Variants in GABRG3 observed in about 807,000 individuals in gnomAD.
GABRG3 encodes the protein gamma-aminobutyric acid type A receptor subunit gamma3.
A neutral mutation model predicts 48.8 loss-of-function variants in GABRG3; 25 were observed. The ratio of observed to expected loss-of-function variants is 0.51; its 90% CI spans 0.37 to 0.72. The LOEUF (loss-of-function observed/expected upper bound fraction) is 0.72, where lower values mean the gene tolerates loss of function less well. Ranked by LOEUF, GABRG3 falls within the 30% of genes least tolerant of loss-of-function variation. The pLI is 0.00. For missense variants in GABRG3, 394 were observed against 577.9 expected (o/e 0.68, Z 3.26); for synonymous variants, 227 against 217.6 (o/e 1.04, Z -0.38).
rs1246482702 is a variant in GABRG3, at chr15:26,976,242, A to G, written c.54-760A>G. Among the ~76,000 whole-genome samples the G allele has an allele frequency of 6.6e-6, 1 of 152,236 alleles. No homozygotes were observed. Among genetic ancestry groups the G allele is most frequent in the African/African-American group, 2.4e-5 (1 of 41,460 alleles). ...GCTCCTCCCTGCACAAAACAAGCTCAGAGATGCCCAGGCATTCACTGAGAC... is the reference window on the plus strand; with the variant it reads ...GCTCCTCCCTGCACAAAACAAGCTCGGAGATGCCCAGGCATTCACTGAGAC... On this transcript the variant is annotated intron_variant, in intron 1 of 9. Coordinates refer to ENST00000615808, the MANE Select transcript of GABRG3 (RefSeq NM_033223.5). This position sits in a 1 kb window ranked among gnomAD's most constrained non-coding sequence, Gnocchi z 7.8.
chr15:27,112,934 T>C (rs1423640988), intron 3 of GABRG3, among the ~76,000 whole-genome samples: 1 of 152,224 alleles, frequency 6.6e-6, no homozygotes, highest in African/African-American at 2.4e-5. Context: ...AACTTTGTTC[T>C]TCAATTCTAA....
chr15:27,427,082 G>A (rs1888314473), intron 5 of GABRG3, among the ~76,000 whole-genome samples: 1 of 152,154 alleles, frequency 6.6e-6, no homozygotes, highest in Non-Finnish European at 1.5e-5. Context: ...TCTGGGAAAT[G>A]ATCCAAATGT....
intron 3 of GABRG3, among the ~76,000 whole-genome samples, chr15:27,294,221 T>G (rs1891899371): frequency 6.8e-6 from 1 of 146,024 alleles, no homozygotes; most frequent in African/African-American, 2.7e-5. Flanking sequence ...CTTTTCTTTT[T>G]CCTTTTTTTT....
chr15:27,467,276 A>G (rs1273424349), intron 5 of GABRG3, among the ~76,000 whole-genome samples: 1 of 152,148 alleles, frequency 6.6e-6, no homozygotes, highest in East Asian at 1.9e-4. Flanking sequence ...TGGCCTCATT[A>G]ACCTCCCAAA....
At chr15:27,450,501 CA>C (rs1327461112) in intron 5 of GABRG3, among the ~76,000 whole-genome samples, 21 of 151,918 alleles carry the variant, frequency 1.4e-4, no homozygotes, top group African/African-American at 4.1e-4. Context: ...AAGCATTTGC[CA>C]AAAATTCAAC....
intron 5 of GABRG3, among the ~76,000 whole-genome samples, chr15:27,461,609 C>G (rs1889450206): frequency 6.6e-6 from 1 of 152,184 alleles, no homozygotes; most frequent in African/African-American, 2.4e-5. Flanking sequence ...CTTATTTGGC[C>G]CCACTCATAT....
chr15:27,098,947 T>A (rs1326577839), intron 3 of GABRG3, among the ~76,000 whole-genome samples: 1 of 152,100 alleles, frequency 6.6e-6, no homozygotes, highest in East Asian at 1.9e-4. Context: ...CCTGGTGACC[T>A]TGGGACTTAA....
At chr15:27,348,108 A>C (rs1241864511) in intron 5 of GABRG3, among the ~76,000 whole-genome samples, 1 of 138,616 alleles carries the variant, frequency 7.2e-6, no homozygotes, top group Non-Finnish European at 1.5e-5. Flanking sequence ...GTGAGCCGAG[A>C]TCATGCCATT....
chr15:27,511,745 GT>G (rs1890901038), intron 6 of GABRG3, among the ~76,000 whole-genome samples: 1 of 152,224 alleles, frequency 6.6e-6, no homozygotes, highest in South Asian at 2.1e-4. Context: ...AAGAGGATAA[GT>G]GCTACAGAGA....
chr15:27,256,002 C>T (rs1372584711), intron 3 of GABRG3, among the ~76,000 whole-genome samples: 1 of 152,162 alleles, frequency 6.6e-6, no homozygotes, highest in Non-Finnish European at 1.5e-5. Context: ...TGTTATTTTA[C>T]ATGGCAAAAG....
At chr15:27,209,297 G>C (rs541936080) in intron 3 of GABRG3, among the ~76,000 whole-genome samples, 1 of 152,272 alleles carries the variant, frequency 6.6e-6, no homozygotes, top group African/African-American at 2.4e-5. Flanking sequence ...TCTGGGCAAT[G>C]GGAAGCAGTG....
At chr15:27,211,179 A>G (rs938504080) in intron 3 of GABRG3, among the ~76,000 whole-genome samples, 3 of 152,170 alleles carry the variant, frequency 2.0e-5, no homozygotes, top group Non-Finnish European at 2.9e-5. Flanking sequence ...ATCCCACCCA[A>G]GGCCCTCCAG....
rs1339940038 is a variant in GABRG3 at position 27,538,857 on chromosome 15, T to C, written c.*5976T>C. 4 of 152,230 alleles carry C rather than the reference T, an allele frequency of 2.6e-5. No individual in the cohort carries two copies. Among genetic ancestry groups the C allele is most frequent in the Non-Finnish European group, 1.5e-5 (1 of 68,036 alleles). The allele number at this position is 152,230 out of a possible 1,614,324, so 9.4% of individuals were successfully genotyped here. On this transcript the variant is annotated 3_prime_UTR_variant, in exon 10 of 10. Transcript: ENST00000615808. Reference sequence around the variant, plus strand: ...GTTCGATCCCAGTGAATGATGTGTATGTACCCAACACATCCAATTTGTATT... The same window carrying C: ...GTTCGATCCCAGTGAATGATGTGTACGTACCCAACACATCCAATTTGTATT...
chr15:27,402,982 G>A (rs947212980), intron 5 of GABRG3, among the ~76,000 whole-genome samples: 5 of 151,856 alleles, frequency 3.3e-5, no homozygotes, highest in Non-Finnish European at 5.9e-5. Context: ...CTTGTGGTCC[G>A]GCCTATTTGA....
Position 27,194,869 on chromosome 15 carries a change from T to C in GABRG3, c.271-131940T>C, listed in dbSNP as rs568540468. On this transcript the variant is annotated intron_variant, in intron 3 of 9. Transcript: ENST00000615808. ...TTTCAATCCTCTCTCTCTCTTCTCCTTCCAAAATTCTGACAGTATAAAAGT... is the reference window on the plus strand; with the variant it reads ...TTTCAATCCTCTCTCTCTCTTCTCCCTCCAAAATTCTGACAGTATAAAAGT... Among the ~76,000 whole-genome samples the C allele has an allele frequency of 3.3e-5, 5 of 152,318 alleles. No homozygotes were observed. In the South Asian group the frequency reaches 8.3e-4, roughly 25 times the overall value.
At chr15:27,294,536 A>G (rs1199568039) in intron 3 of GABRG3, among the ~76,000 whole-genome samples, 1 of 152,006 alleles carries the variant, frequency 6.6e-6, no homozygotes, top group Non-Finnish European at 1.5e-5. Flanking sequence ...GTCTTGGACA[A>G]TGGTTCACCA....
intron 3 of GABRG3, among the ~76,000 whole-genome samples, chr15:27,297,587 C>CTGTA (rs1555368870): frequency 6.6e-6 from 1 of 151,710 alleles, no homozygotes; most frequent in Non-Finnish European, 1.5e-5. Context: ...GAGCAACAGG[C>CTGTA]TATACCACAT....
chr15:27,432,378 A>G (rs906333643), intron 5 of GABRG3, among the ~76,000 whole-genome samples: 7 of 152,224 alleles, frequency 4.6e-5, no homozygotes, highest in Non-Finnish European at 1.0e-4. Flanking sequence ...CAGGAAAAGA[A>G]AAGTGTTACA....
At chr15:26,984,329 A>T (rs1465951888) in intron 2 of GABRG3, among the ~76,000 whole-genome samples, 1 of 152,118 alleles carries the variant, frequency 6.6e-6, no homozygotes, top group African/African-American at 2.4e-5. Context: ...GCGATCCATC[A>T]TCAGGAAACA....
Sources: gnomAD v4.1 joint callset for allele counts (sites outside exome capture counted in the v4.1 genomes callset) on GRCh38, gnomAD v4.1.1 for gene constraint, Gnocchi (gnomAD v3.1) non-coding constraint, MANE v1.5 for transcripts, NCBI Gene and HGNC (gene_info 2026-07-23, HGNC 2026-07-21) for gene names.